The following STXBP6 variants were observed in gnomAD, a reference collection of about 807,000 sequenced individuals.
STXBP6 encodes syntaxin binding protein 6, also known as syntaxin-binding protein 6.
STXBP6 carries 21 observed loss-of-function variants against 26.9 expected under a neutral mutation model. The observed-to-expected ratio is 0.78, with a 90% confidence interval of 0.55 to 1.12. STXBP6 has a LOEUF of 1.12. Ranked by LOEUF, STXBP6 falls within the 50% of genes most tolerant of loss-of-function variation. STXBP6 has a pLI of 0.00. For missense variants in STXBP6, 232 were observed against 257.9 expected, an observed-to-expected ratio of 0.90 and a Z score of 0.69; for synonymous variants, 97 against 92.6, an observed-to-expected ratio of 1.05 and a Z score of -0.27.
At chr14:25,017,297 C>T (rs2075170243) in intron 1 of STXBP6, among the ~76,000 whole-genome samples, 1 of 152,162 alleles carries the variant, frequency 6.6e-6, no homozygotes, top group Non-Finnish European at 1.5e-5. Flanking sequence ...ATTGGCAGAG[C>T]TGGTGAAAGA....
chr14:24,853,538 A>C (rs556239643), intron 4 of STXBP6, among the ~76,000 whole-genome samples: 2 of 152,174 alleles, frequency 1.3e-5, no homozygotes, highest in South Asian at 4.1e-4. Flanking sequence ...ACACAATAAA[A>C]CTATAATTTA....
intron 2 of STXBP6, among the ~76,000 whole-genome samples, chr14:24,926,450 G>A (rs1187644534): frequency 3.3e-5 from 5 of 151,880 alleles, no homozygotes; most frequent in Non-Finnish European, 7.4e-5. Context: ...TATTTTGGAC[G>A]AACAATTTAT....
intron 2 of STXBP6, among the ~76,000 whole-genome samples, chr14:24,888,519 C>T (rs538163795): frequency 2.6e-4 from 39 of 152,176 alleles, no homozygotes; most frequent in African/African-American, 8.7e-4. Context: ...GTCAGAGGAT[C>T]GAGCCCAGCC....
chr14:24,814,588 C>T (rs2067916639), intron 5 of STXBP6, among the ~76,000 whole-genome samples: 1 of 152,206 alleles, frequency 6.6e-6, no homozygotes, highest in African/African-American at 2.4e-5. Context: ...CTAAGGGGAG[C>T]CCCCGGGCCA....
At chr14:24,972,980 T>A (rs1215214086) in intron 2 of STXBP6, among the ~76,000 whole-genome samples, 1 of 152,114 alleles carries the variant, frequency 6.6e-6, no homozygotes, top group Non-Finnish European at 1.5e-5. Flanking sequence ...CAGCTGGGCA[T>A]GGTGTTGTGT....
At chr14:24,985,720 C>T (rs1343465916) in intron 1 of STXBP6, among the ~76,000 whole-genome samples, 1 of 152,208 alleles carries the variant, frequency 6.6e-6, no homozygotes, top group Non-Finnish European at 1.5e-5. Flanking sequence ...CACAAATAAG[C>T]TAACCAACCA....
chr14:24,974,502 A>C (rs1036803634), intron 2 of STXBP6, among the ~76,000 whole-genome samples, 163 bp downstream of exon 2: 5 of 152,218 alleles, frequency 3.3e-5, no homozygotes, highest in Admixed American at 3.3e-4. Flanking sequence ...AACCTCAAAA[A>C]CAAGGTGTCA....
intron 2 of STXBP6, among the ~76,000 whole-genome samples, chr14:24,899,234 C>G (rs976390463): frequency 6.6e-6 from 1 of 152,140 alleles, no homozygotes; most frequent in Non-Finnish European, 1.5e-5. Context: ...AATTAAAGCA[C>G]TATATTAGAC....
At chr14:25,042,411 G>GT (rs1270083099) in intron 1 of STXBP6, among the ~76,000 whole-genome samples, 2 of 152,226 alleles carry the variant, frequency 1.3e-5, no homozygotes, top group Non-Finnish European at 2.9e-5. Context: ...TCCCAGTCAT[G>GT]TATTTTGTTC....
intron 1 of STXBP6, among the ~76,000 whole-genome samples, chr14:25,017,016 T>C (rs1048192187): frequency 1.3e-5 from 2 of 152,210 alleles, no homozygotes; most frequent in Admixed American, 1.3e-4. Context: ...TAGAAATTAC[T>C]ACAAATAGTC....
intron 2 of STXBP6, among the ~76,000 whole-genome samples, chr14:24,925,285 CAA>C (rs1461312680): frequency 6.6e-6 from 1 of 152,182 alleles, no homozygotes. Flanking sequence ...AGCCCTCGCC[CAA>C]GTTTTAACTT....
chr14:24,991,668 G>A (rs1306170882), intron 1 of STXBP6, among the ~76,000 whole-genome samples: 2 of 152,106 alleles, frequency 1.3e-5, no homozygotes, highest in Non-Finnish European at 2.9e-5. Flanking sequence ...ACCAATTCAA[G>A]GTTATGATTC....
At chr14:24,945,139 A>ATATTTTTTTTTTT (rs2072937548) in intron 2 of STXBP6, among the ~76,000 whole-genome samples, 7 of 100,650 alleles carry the variant, frequency 7.0e-5, no homozygotes, top group African/African-American at 2.5e-4. Context: ...CCAATTAGGA[A>ATATTTTTTTTTTT]TTTTTTTTTT....
chr14:24,990,281 T>C (rs924022658), intron 1 of STXBP6, among the ~76,000 whole-genome samples: 2 of 152,146 alleles, frequency 1.3e-5, no homozygotes, highest in Non-Finnish European at 2.9e-5. Flanking sequence ...TATGCTTCCC[T>C]GTTCCAAGCT....
At chr14:25,046,894 C>T (rs985225547) in intron 1 of STXBP6, among the ~76,000 whole-genome samples, 4 of 152,224 alleles carry the variant, frequency 2.6e-5, no homozygotes, top group African/African-American at 9.7e-5. Context: ...CTTCTACCCT[C>T]TTAGAGACGA....
At chr14:24,835,010 T>C (rs186244488) in intron 4 of STXBP6, among the ~76,000 whole-genome samples, 106 of 152,318 alleles carry the variant, frequency 7.0e-4, no homozygotes, top group African/African-American at 2.4e-3. Context: ...CCTGAATACA[T>C]AGAAGGTATA....
rs186408888 is a variant in STXBP6, at chr14:24,946,784, T to C, written c.154+27881A>G. Among the ~76,000 whole-genome samples the C allele has an allele frequency of 1.3e-3, 200 of 152,250 alleles. 1 individual carries two copies. Among genetic ancestry groups the C allele is most frequent in the Admixed American group, 0.013 (195 of 15,288 alleles). On this transcript the variant is annotated intron_variant, in intron 2 of 5. Transcript: ENST00000323944. The stretch of plus-strand genomic sequence containing the variant: ...ATGGGCGACACAAAAGCATTGTTGG[T>C]ACTTAATGGGAACAGTTTCATAGGG...
chr14:24,959,158 G>A (rs2073441338), intron 2 of STXBP6, among the ~76,000 whole-genome samples: 4 of 152,182 alleles, frequency 2.6e-5, no homozygotes, highest in Admixed American at 2.6e-4. Flanking sequence ...TCAAGGGAAG[G>A]GGTTTAAGCA....
At chr14:24,848,948 C>T (rs575319356) in intron 4 of STXBP6, among the ~76,000 whole-genome samples, 12 of 152,218 alleles carry the variant, frequency 7.9e-5, no homozygotes, top group African/African-American at 2.6e-4. Flanking sequence ...TATCCAAAAA[C>T]ATCTCACAGT....
Sources: gnomAD v4.1 joint callset for allele counts (sites outside exome capture counted in the v4.1 genomes callset) on GRCh38, gnomAD v4.1.1 for gene constraint, MANE v1.5 for transcripts, NCBI Gene and HGNC (gene_info 2026-07-23, HGNC 2026-07-21) for gene names.